The following PTPRR variants were observed in gnomAD, a reference collection of about 807,000 sequenced individuals.
The protein encoded by PTPRR is receptor-type tyrosine-protein phosphatase R.
In PTPRR, 38 loss-of-function variants were observed where a neutral mutation model predicts 77.2. The observed-to-expected ratio is 0.49, with a 90% CI of 0.38 to 0.65. PTPRR has a LOEUF of 0.65. Among genes scored for constraint, PTPRR ranks in the 30% least tolerant of loss-of-function variants. The pLI is 0.00. For synonymous variants in PTPRR, 299 were observed against 283.1 expected (o/e 1.06, Z -0.57); for missense variants, 744 against 799.2 (o/e 0.93, Z 0.83).
chr12:70,794,977 T>C (rs1236411272), intron 2 of PTPRR, among the ~76,000 whole-genome samples: 1 of 152,114 alleles, frequency 6.6e-6, no homozygotes, highest in Non-Finnish European at 1.5e-5. Context: ...GGTGGGACAG[T>C]TGAGAAGGGC....
At chr12:70,820,245 T>A (rs2137039324) in intron 2 of PTPRR, among the ~76,000 whole-genome samples, 1 of 152,300 alleles carries the variant, frequency 6.6e-6, no homozygotes, top group African/African-American at 2.4e-5. Context: ...TGATACTCAA[T>A]AGTCTGGGAA....
At chr12:70,755,411 C>T (rs1407445459) in intron 4 of PTPRR, among the ~76,000 whole-genome samples, 2 of 151,834 alleles carry the variant, frequency 1.3e-5, no homozygotes, top group African/African-American at 2.4e-5. Flanking sequence ...TAAAATATAC[C>T]CAACATTTAT....
At chr12:70,751,771 T>A (rs1260422217) in intron 5 of PTPRR, among the ~76,000 whole-genome samples, 1 of 152,186 alleles carries the variant, frequency 6.6e-6, no homozygotes, top group African/African-American at 2.4e-5. Flanking sequence ...CTTCCCTATC[T>A]CTTCATTTTC....
chr12:70,642,408 C>T (rs935970392), intron 13 of PTPRR, among the ~76,000 whole-genome samples: 24 of 152,124 alleles, frequency 1.6e-4, no homozygotes, highest in African/African-American at 5.1e-4. Context: ...ATTAGTCTTC[C>T]ATTTCTCACT....
chr12:70,852,165 A>T (rs1033726204), intron 2 of PTPRR, among the ~76,000 whole-genome samples: 2 of 152,118 alleles, frequency 1.3e-5, no homozygotes, highest in African/African-American at 2.4e-5. Flanking sequence ...TGCTTTAAAA[A>T]TTTTTTTCAA....
At chr12:70,919,999 T>G (rs1316909170) in intron 1 of PTPRR, among the ~76,000 whole-genome samples, 1 of 152,000 alleles carries the variant, frequency 6.6e-6, no homozygotes, top group Non-Finnish European at 1.5e-5. Flanking sequence ...ATCCCTCTCC[T>G]GAAAAATTGA....
intron 2 of PTPRR, among the ~76,000 whole-genome samples, chr12:70,789,233 A>C (rs970675620): frequency 6.6e-6 from 1 of 152,116 alleles, no homozygotes; most frequent in South Asian, 2.1e-4. Context: ...CATGTTGTGC[A>C]CATGTACCCT....
At chr12:70,867,887 T>C (rs1305050919) in intron 2 of PTPRR, among the ~76,000 whole-genome samples, 1 of 152,042 alleles carries the variant, frequency 6.6e-6, no homozygotes, top group Non-Finnish European at 1.5e-5. Context: ...ATGCCGCATA[T>C]CTACAACCAT....
intron 13 of PTPRR, chr12:70,639,493 A>G (rs1885918060): frequency 7.7e-7 from 1 of 1,297,904 alleles, no homozygotes; most frequent in African/African-American, 1.5e-5. Flanking sequence ...TTCCCAGCAC[A>G]CACTAGGCAC....
chr12:70,767,898 C>A (rs536665084), intron 2 of PTPRR, among the ~76,000 whole-genome samples: 1 of 152,142 alleles, frequency 6.6e-6, no homozygotes, highest in Non-Finnish European at 1.5e-5. Context: ...AATGAACAAC[C>A]TGCTCCTGAA....
At chr12:70,688,260 C>T (rs1592674577) in intron 8 of PTPRR, among the ~76,000 whole-genome samples, 2 of 152,248 alleles carry the variant, frequency 1.3e-5, no homozygotes, top group African/African-American at 4.8e-5. Context: ...AGCTTCTGCA[C>T]AGCAAATCCA....
chr12:70,822,899 T>C lies in PTPRR; in HGVS notation c.358-58121A>G, dbSNP rs540459192. On this transcript the variant is annotated intron_variant, in intron 2 of 13. Coordinates refer to ENST00000283228, the MANE Select transcript of PTPRR (RefSeq NM_002849.4). Reference sequence around the variant, plus strand: ...ATAAAATTAAGGTCATAGGGCATAATCCTTTTTCAGACCTTTTTTTGGGTG... The same window carrying C: ...ATAAAATTAAGGTCATAGGGCATAACCCTTTTTCAGACCTTTTTTTGGGTG... Among the ~76,000 whole-genome samples, 76 of 152,228 alleles carry C rather than the reference T, an allele frequency of 5.0e-4. 2 individuals are homozygous for C. In the South Asian group the frequency reaches 0.015, roughly 30 times the overall value.
rs780421108 is a variant in PTPRR, at chr12:70,638,532, T to C, written c.*652A>G. On this transcript the variant is annotated 3_prime_UTR_variant, in exon 14 of 14. Transcript: ENST00000283228. The stretch of plus-strand genomic sequence containing the variant: ...ATACATATATACCCAATGACAATCA[T>C]TGTGCTCTGTAATTGTTTGATAGGA... 6.5e-6 allele frequency: 1 copy of C among 152,674 alleles called. No homozygotes were observed. The highest frequency in any genetic ancestry group is 2.1e-4 in the South Asian group (1 of 4,832). The allele number at this position is 152,674 out of a possible 1,614,324, so 9.5% of individuals were successfully genotyped here. A position where few individuals can be genotyped will look rare whatever the true frequency, so the allele number is the denominator to read the frequency against.
At chr12:70,801,598 A>G (rs1891615727) in intron 2 of PTPRR, among the ~76,000 whole-genome samples, 1 of 152,112 alleles carries the variant, frequency 6.6e-6, no homozygotes, top group African/African-American at 2.4e-5. Flanking sequence ...TACAACTTAA[A>G]CTTGTATCAT....
At chr12:70,745,146 C>T (rs921717236) in intron 6 of PTPRR, among the ~76,000 whole-genome samples, 1 of 152,028 alleles carries the variant, frequency 6.6e-6, no homozygotes, top group African/African-American at 2.4e-5. Flanking sequence ...CTCACTGCAA[C>T]GTCTGCCTCC....
chr12:70,643,912 G>T (rs1193267646), intron 13 of PTPRR, among the ~76,000 whole-genome samples: 1 of 151,942 alleles, frequency 6.6e-6, no homozygotes, highest in Non-Finnish European at 1.5e-5. Context: ...GCACCAATAT[G>T]CATGCACCTT....
intron 10 of PTPRR, among the ~76,000 whole-genome samples, chr12:70,666,496 A>G (rs1300109351): frequency 6.6e-6 from 1 of 152,220 alleles, no homozygotes; most frequent in East Asian, 1.9e-4. Context: ...TACATATTAC[A>G]GAAATCAATA....
intron 3 of PTPRR, among the ~76,000 whole-genome samples, chr12:70,764,163 A>G (rs956149787): frequency 6.6e-6 from 1 of 152,092 alleles, no homozygotes; most frequent in South Asian, 2.1e-4. Flanking sequence ...TGTGCACTCA[A>G]TGTCCATTGT....
intron 10 of PTPRR, among the ~76,000 whole-genome samples, chr12:70,682,674 T>C (rs988941607): frequency 1.3e-5 from 2 of 152,188 alleles, no homozygotes; most frequent in Admixed American, 1.3e-4. Context: ...ATACAGAGAA[T>C]ACACCTCTTA....
Sources: gnomAD v4.1 joint callset for allele counts (sites outside exome capture counted in the v4.1 genomes callset) on GRCh38, gnomAD v4.1.1 for gene constraint, MANE v1.5 for transcripts, NCBI Gene and HGNC (gene_info 2026-07-23, HGNC 2026-07-21) for gene names.